Variants in CTNNA2 observed in about 807,000 individuals in gnomAD.
CTNNA2 encodes catenin alpha 2, also known as catenin alpha-2.
A neutral mutation model predicts 101.0 loss-of-function variants in CTNNA2; 42 were observed. The ratio of observed to expected loss-of-function variants is 0.42; its 90% CI spans 0.32 to 0.54. The LOEUF (loss-of-function observed/expected upper bound fraction) is 0.54. Among genes scored for constraint, CTNNA2 ranks in the 20% least tolerant of loss-of-function variants. The pLI, the probability that CTNNA2 is intolerant of heterozygous loss-of-function variation, is 0.14. For missense variants in CTNNA2, 871 were observed against 1,223.1 expected (o/e 0.71, Z 4.29); for synonymous variants, 450 against 456.4 (o/e 0.99, Z 0.18).
intron 5 of CTNNA2, among the ~76,000 whole-genome samples, chr2:79,506,734 G>A (rs1377006441): frequency 6.6e-6 from 1 of 152,126 alleles, no homozygotes; most frequent in Non-Finnish European, 1.5e-5. Flanking sequence ...AGTGGTAGAG[G>A]AAATACCTCT....
At chr2:80,501,692 G>A (rs1392311706) in intron 9 of CTNNA2, among the ~76,000 whole-genome samples, 1 of 152,174 alleles carries the variant, frequency 6.6e-6, no homozygotes, top group African/African-American at 2.4e-5. Flanking sequence ...AACCCCTAAG[G>A]GAGTGGGGGA....
chr2:80,253,240 T>C (rs1671898204), intron 7 of CTNNA2, among the ~76,000 whole-genome samples: 2 of 152,150 alleles, frequency 1.3e-5, no homozygotes, highest in Admixed American at 6.5e-5. Flanking sequence ...TCTGGAGCCA[T>C]TGTCTCTTCT....
intron 3 of CTNNA2, among the ~76,000 whole-genome samples, chr2:79,356,152 G>A (rs1280210081): frequency 6.6e-6 from 1 of 151,386 alleles, no homozygotes; most frequent in Non-Finnish European, 1.5e-5. Context: ...CTATCTTAAT[G>A]GGTGTGAAGT....
intron 2 of CTNNA2, among the ~76,000 whole-genome samples, chr2:79,303,292 C>T (rs1037092722): frequency 2.6e-5 from 4 of 152,174 alleles, no homozygotes; most frequent in African/African-American, 9.7e-5. Context: ...AAAAGCACTA[C>T]ATCACGCTAT....
chr2:79,888,526 C>T (rs1296207462), intron 6 of CTNNA2, among the ~76,000 whole-genome samples: 4 of 152,080 alleles, frequency 2.6e-5, no homozygotes, highest in Admixed American at 6.5e-5. Flanking sequence ...ATTTACTTTT[C>T]TCTTGCGCAT....
intron 4 of CTNNA2, among the ~76,000 whole-genome samples, chr2:79,448,565 T>A (rs1678857135): frequency 6.6e-6 from 1 of 152,044 alleles, no homozygotes; most frequent in Admixed American, 6.6e-5. Flanking sequence ...TGAAAACAGC[T>A]ACCATGAGAC....
At chr2:80,361,307 C>G (rs897148156) in intron 7 of CTNNA2, among the ~76,000 whole-genome samples, 1 of 152,062 alleles carries the variant, frequency 6.6e-6, no homozygotes, top group Non-Finnish European at 1.5e-5. Context: ...AAAAATTAAA[C>G]AACAACCATA....
chr2:79,541,233 C>G (rs1480363723), intron 1 of CTNNA2, among the ~76,000 whole-genome samples: 2 of 151,186 alleles, frequency 1.3e-5, no homozygotes, highest in African/African-American at 2.4e-5. Flanking sequence ...TGTACACACA[C>G]ACAAGAATAA....
chr2:80,005,704 C>T (rs1693290764), intron 7 of CTNNA2, among the ~76,000 whole-genome samples: 1 of 151,432 alleles, frequency 6.6e-6, no homozygotes. Context: ...GCTGCATGCT[C>T]AATTTATTTG....
At chr2:79,813,993 C>T (rs1461528178) in intron 3 of CTNNA2, among the ~76,000 whole-genome samples, 1 of 152,052 alleles carries the variant, frequency 6.6e-6, no homozygotes, top group African/African-American at 2.4e-5. Flanking sequence ...AATCCTATAC[C>T]TTGGCTTGCA....
rs1316654282 is a variant in CTNNA2, at chr2:80,481,084, A to T, written c.1290+61483A>T. Among the ~76,000 whole-genome samples the T allele has an allele frequency of 2.0e-5, 3 of 152,150 alleles. No homozygotes were observed. In the East Asian group the frequency reaches 5.8e-4, roughly 29 times the overall value. Reference sequence around the variant, plus strand: ...CTGAGCCACATTTGGTTACCTGGACATTCCTTTTCATTACTAATATACCTT... The same window carrying T: ...CTGAGCCACATTTGGTTACCTGGACTTTCCTTTTCATTACTAATATACCTT... On this transcript the variant is annotated intron_variant, in intron 9 of 18. Coordinates refer to ENST00000402739, the MANE Select transcript of CTNNA2 (RefSeq NM_001282597.3).
intron 4 of CTNNA2, among the ~76,000 whole-genome samples, chr2:79,503,800 C>T (rs935379438): frequency 7.2e-5 from 11 of 152,110 alleles, no homozygotes; most frequent in Admixed American, 2.0e-4. Flanking sequence ...ATAATTCTTT[C>T]ATTGAAATGG....
At chr2:80,500,757 A>T (rs1443075110) in intron 9 of CTNNA2, among the ~76,000 whole-genome samples, 2 of 152,200 alleles carry the variant, frequency 1.3e-5, no homozygotes, top group East Asian at 3.9e-4. Flanking sequence ...TGCACAGAAA[A>T]TTGCCTCAAG....
intron 1 of CTNNA2, among the ~76,000 whole-genome samples, chr2:79,538,086 A>C (rs111787449): frequency 6.6e-6 from 1 of 152,190 alleles, no homozygotes; most frequent in African/African-American, 2.4e-5. Flanking sequence ...GGATCACAAA[A>C]ACATGTTTTA....
chr2:79,854,739 G>C (rs1168219815), intron 3 of CTNNA2, among the ~76,000 whole-genome samples: 2 of 152,146 alleles, frequency 1.3e-5, no homozygotes, highest in Non-Finnish European at 2.9e-5. Flanking sequence ...TGGAAATGTT[G>C]CTCTGAGTTA....
At chr2:79,552,584 A>G (rs1403323717) in intron 1 of CTNNA2, among the ~76,000 whole-genome samples, 3 of 152,148 alleles carry the variant, frequency 2.0e-5, no homozygotes, top group Non-Finnish European at 4.4e-5. Flanking sequence ...TCTGCCCCAT[A>G]GTAGACTTCT....
chr2:79,689,371 G>C (rs927227133), intron 2 of CTNNA2, among the ~76,000 whole-genome samples: 3 of 151,882 alleles, frequency 2.0e-5, no homozygotes, highest in African/African-American at 7.3e-5. Flanking sequence ...TTTTATTTTG[G>C]ATTCTGAAAT....
chr2:79,209,190 T>A (rs1167760434), intron 2 of CTNNA2, among the ~76,000 whole-genome samples: 1 of 152,096 alleles, frequency 6.6e-6, no homozygotes, highest in East Asian at 1.9e-4. Flanking sequence ...AAAAAATAAA[T>A]TTTTTTAAAA....
At chr2:80,509,341 G>A (rs1688521784) in intron 9 of CTNNA2, among the ~76,000 whole-genome samples, 2 of 152,166 alleles carry the variant, frequency 1.3e-5, no homozygotes, top group Admixed American at 1.3e-4. Context: ...TCAGCAAGAG[G>A]AGCTTTTCAG....
Sources: gnomAD v4.1 joint callset for allele counts (sites outside exome capture counted in the v4.1 genomes callset) on GRCh38, gnomAD v4.1.1 for gene constraint, MANE v1.5 for transcripts, NCBI Gene and HGNC (gene_info 2026-07-23, HGNC 2026-07-21) for gene names.